CD8B2: variants seen among roughly 807,000 people sequenced by gnomAD.
CD8B2 encodes T-cell surface glycoprotein CD8 beta-2 chain.
CD8B2 carries 11 observed loss-of-function variants against 23.7 expected under a neutral mutation model. That is an observed-to-expected ratio of 0.46 (90% CI 0.29 to 0.77). The LOEUF (loss-of-function observed/expected upper bound fraction) is 0.77, where lower values mean the gene tolerates loss of function less well. Ranked by LOEUF, CD8B2 falls within the 30% of genes least tolerant of loss-of-function variation. The pLI, the probability that CD8B2 is intolerant of heterozygous loss-of-function variation, is 0.09. For missense variants in CD8B2, 197 were observed against 270.5 expected (o/e 0.73, Z 1.91); for synonymous variants, 90 against 109.3 (o/e 0.82, Z 1.10).
At chr2:106,527,804 A>AC (rs1365755111) in intron 5 of CD8B2, among the ~76,000 whole-genome samples, 1 of 51,522 alleles carries the variant, frequency 1.9e-5, no homozygotes, top group Non-Finnish European at 3.8e-5. Context: ...AAAACAAAAC[A>AC]AAAAACAAAC....
intron 2 of CD8B2, among the ~76,000 whole-genome samples, chr2:106,491,639 C>T (rs531022781): frequency 3.3e-5 from 5 of 152,290 alleles, no homozygotes; most frequent in Admixed American, 3.3e-4. Flanking sequence ...CCTCTGCTTC[C>T]TGGGTTCAAG....
downstream of CD8B2, among the ~76,000 whole-genome samples, chr2:106,513,344 G>A (rs62154011): frequency 0.15 from 23,295 of 151,730 alleles, 1,826 homozygotes; most frequent in South Asian, 0.23. Context: ...TGGCACTTGC[G>A]TGGCTCCAAG....
chr2:106,488,771 G>A (rs1014313950), intron 1 of CD8B2, among the ~76,000 whole-genome samples: 2 of 152,004 alleles, frequency 1.3e-5, no homozygotes, highest in Non-Finnish European at 2.9e-5. Flanking sequence ...TCCCCCACAG[G>A]ATTTGGTGAG....
At chr2:106,488,646 G>A (rs1558873550) in intron 1 of CD8B2, among the ~76,000 whole-genome samples, 1 of 152,214 alleles carries the variant, frequency 6.6e-6, no homozygotes, top group East Asian at 1.9e-4. Flanking sequence ...TCAAAGTCAG[G>A]TTCTGGGGTC....
At chr2:106,488,768 C>T (rs1263145578) in intron 1 of CD8B2, among the ~76,000 whole-genome samples, 1 of 152,076 alleles carries the variant, frequency 6.6e-6, no homozygotes, top group Non-Finnish European at 1.5e-5. Flanking sequence ...ATCTCCCCCA[C>T]AGGATTTGGT....
intron 5 of CD8B2, among the ~76,000 whole-genome samples, chr2:106,518,625 T>A (rs1378489046): frequency 6.6e-6 from 1 of 152,226 alleles, no homozygotes; most frequent in Non-Finnish European, 1.5e-5. Flanking sequence ...AATTAATTCA[T>A]CTCTCCCTGT....
At chr2:106,488,246 A>G (rs1304664107) in intron 1 of CD8B2, among the ~76,000 whole-genome samples, 1 of 151,252 alleles carries the variant, frequency 6.6e-6, no homozygotes, top group African/African-American at 2.4e-5. Flanking sequence ...CACATCATAA[A>G]TAGAAAGAGC....
rs575906754 is a variant in CD8B2, at chr2:106,504,214, T to A, written c.584-75T>A. 21 of 1,547,564 alleles carry A rather than the reference T, an allele frequency of 1.4e-5. No individual in the cohort carries two copies. The East Asian group carries it at 5.1e-4, about 38-fold the overall frequency. On this transcript the variant is annotated intron_variant, in intron 4 of 5. Coordinates refer to ENST00000643224, the MANE Select transcript of CD8B2 (RefSeq NM_001349727.2). ...GAGGTGTCAGCTGCCCCTGTGACAA[T>A]CCTCCTTGGCCTCTGGGGCTCAGCA...
rs1573348730 is a variant in CD8B2 at position 106,527,274 on chromosome 2, T to C, written c.621-16718T>C. Among the ~76,000 whole-genome samples the C allele has an allele frequency of 4.6e-5, 7 of 152,262 alleles. 1 individual carries two copies. In the Middle Eastern group the frequency reaches 0.024, roughly 518 times the overall value. On this transcript the variant is annotated intron_variant, in intron 5 of 5. Coordinates refer to the CD8B2 transcript ENST00000416057. ...AAAAAAAAATATTACCATCCTAGAG[T>C]TGTGAAGTGGTATCTCACTGTGGTC... is the stretch of plus-strand genomic sequence containing the variant.
intron 1 of CD8B2, among the ~76,000 whole-genome samples, chr2:106,487,959 C>T (rs1218254778): frequency 1.3e-5 from 2 of 152,116 alleles, no homozygotes; most frequent in Non-Finnish European, 2.9e-5. Context: ...GGTGATCCCT[C>T]TGGCTCCCGT....
intron 1 of CD8B2, among the ~76,000 whole-genome samples, chr2:106,487,901 C>T (rs1679108508): frequency 6.6e-6 from 1 of 151,950 alleles, no homozygotes; most frequent in Non-Finnish European, 1.5e-5. Flanking sequence ...GTTTGTAGTA[C>T]AATCAGACAA....
intron 5 of CD8B2, among the ~76,000 whole-genome samples, chr2:106,532,148 C>T (rs535248160): frequency 9.8e-5 from 15 of 152,322 alleles, no homozygotes; most frequent in African/African-American, 3.1e-4. Context: ...AAATATTTCC[C>T]GGAGTTTGTA....
chr2:106,538,794 C>T (rs1192364935), intron 5 of CD8B2, among the ~76,000 whole-genome samples: 2 of 152,142 alleles, frequency 1.3e-5, no homozygotes, highest in Non-Finnish European at 2.9e-5. Context: ...TTATGCTCTC[C>T]ACCCACCCAC....
chr2:106,537,180 C>G (rs1033638099), intron 5 of CD8B2, among the ~76,000 whole-genome samples: 1 of 152,106 alleles, frequency 6.6e-6, no homozygotes, highest in East Asian at 1.9e-4. Context: ...GGGCTTCCCC[C>G]CAAATGCTGC....
chr2:106,508,144 A>T lies in CD8B2; in HGVS notation c.*1204A>T, dbSNP rs1266701008. ...CCTGAGACCCATCTTAGCCGCCCCT[A>T]CCTGAGCTTTAGCAGCCTAGGAGCT... On this transcript the variant is annotated 3_prime_UTR_variant, in exon 6 of 6. Transcript: ENST00000643224. The T allele has an allele frequency of 6.0e-5, 9 of 150,112 alleles. No homozygotes were observed. Among genetic ancestry groups the T allele is most frequent in the Non-Finnish European group, 3.0e-5 (2 of 67,474 alleles). 9.3% of individuals were successfully genotyped at this position (150,112 alleles called of 1,614,324 possible). A position where few individuals can be genotyped will look rare whatever the true frequency, so the allele number is the denominator to read the frequency against.
chr2:106,496,713 C>T (rs1426634838), intron 3 of CD8B2, among the ~76,000 whole-genome samples: 4 of 151,700 alleles, frequency 2.6e-5, no homozygotes, highest in Non-Finnish European at 5.9e-5. Flanking sequence ...GCATATGATC[C>T]TCTGTAGAGA....
intron 3 of CD8B2, among the ~76,000 whole-genome samples, chr2:106,498,445 G>A (rs1430688923): frequency 2.0e-5 from 3 of 152,162 alleles, no homozygotes; most frequent in Non-Finnish European, 2.9e-5. Context: ...ACTACGCCTG[G>A]CCTCTTGCAT....
At chr2:106,537,697 G>T (rs1391832725) in intron 5 of CD8B2, among the ~76,000 whole-genome samples, 2 of 152,230 alleles carry the variant, frequency 1.3e-5, no homozygotes, top group African/African-American at 4.8e-5. Context: ...GAGCATGGCT[G>T]TTCTTACTGA....
downstream of CD8B2, among the ~76,000 whole-genome samples, chr2:106,514,312 C>T (rs7595540): frequency 7.0e-6 from 1 of 141,872 alleles, no homozygotes; most frequent in Admixed American, 7.1e-5. Flanking sequence ...TTTTGAGACA[C>T]AGTTTTGCTC....
Sources: gnomAD v4.1 joint callset for allele counts (sites outside exome capture counted in the v4.1 genomes callset) on GRCh38, gnomAD v4.1.1 for gene constraint, MANE v1.5 for transcripts, NCBI Gene and HGNC (gene_info 2026-07-23, HGNC 2026-07-21) for gene names.